S100P: variants seen among roughly 807,000 people sequenced by gnomAD.
S100P encodes S100 calcium binding protein P.
In S100P, 7 loss-of-function variants were observed where a neutral mutation model predicts 4.7. That is an observed-to-expected ratio of 1.48 (90% CI 0.84 to 2.77). The LOEUF (loss-of-function observed/expected upper bound fraction) is 2.77, where lower values mean the gene tolerates loss of function less well. S100P is among the 30% of genes most tolerant of loss of function. The probability of loss-of-function intolerance (pLI) is 0.00; values close to 1 mark genes in which losing one functional copy is unlikely to be tolerated. For synonymous variants in S100P, 48 were observed against 49.0 expected, an observed-to-expected ratio of 0.98 and a Z score of 0.08; for missense variants, 122 against 120.6, an observed-to-expected ratio of 1.01 and a Z score of -0.06.
At chr4:6,695,951 T>C (rs1714363950) in intron 1 of S100P, among the ~76,000 whole-genome samples, 1 of 152,252 alleles carries the variant, frequency 6.6e-6, no homozygotes, top group African/African-American at 2.4e-5. Flanking sequence ...TATTGTGACA[T>C]GGCCATACCA....
chr4:6,695,813 G>A (rs961248719), intron 1 of S100P, among the ~76,000 whole-genome samples: 2 of 152,218 alleles, frequency 1.3e-5, no homozygotes, highest in African/African-American at 4.8e-5. Context: ...GCAGGGCTGG[G>A]CTGGGCTGGC....
In S100P at chr4:6,693,899, C is replaced by T. The variant is rs1388110195; in HGVS notation, c.-34C>T. On this transcript the variant is annotated 5_prime_UTR_variant, in exon 1 of 2. Coordinates refer to ENST00000296370, the MANE Select transcript of S100P (RefSeq NM_005980.3). ...TGGGACATTTTCTCGGCCCTGCCAG[C>T]CCCCAGGAGGAAGGTGGGTCTGAAT... The T allele has an allele frequency of 6.2e-7, 1 of 1,613,442 alleles. No individual in the cohort carries two copies. The highest frequency in any genetic ancestry group is 8.5e-7 in the Non-Finnish European group (1 of 1,179,510).
chr4:6,697,034 C>T lies in S100P; in HGVS notation c.280C>T (p.Leu94Phe), dbSNP rs764083140. ...ACHKYFEKAG[L>F]K ...TCACAAGTACTTTGAGAAGGCAGGA[C>T]TCAAATGATGCCCTGGAGATGTCAC... Residue 94 changes from leucine (L) to phenylalanine (F), a missense_variant, in exon 2 of 2, where the codon CTC (leucine) becomes TTC (phenylalanine). Transcript: ENST00000296370. 6.2e-7 allele frequency: 1 copy of T among 1,612,420 alleles called. No individual in the cohort carries two copies. The highest frequency in any genetic ancestry group is 1.7e-5 in the Admixed American group (1 of 59,894).
chr4:6,696,868 G>T, intron 1 of S100P, 25 bp from the exon 2 acceptor site: 1 of 1,603,042 alleles, frequency 6.2e-7, no homozygotes, highest in South Asian at 1.1e-5. Flanking sequence ...CCTCACTGCT[G>T]ACCTTGAGCC....
chr4:6,696,786 T>G, intron 1 of S100P, 107 bp from the exon 2 acceptor site: 1 of 506,798 alleles, frequency 2.0e-6, no homozygotes, highest in Admixed American at 4.2e-5. Context: ...ACAGCAAAGG[T>G]GACGCAGATG....
chr4:6,693,942 C>A lies in S100P; in HGVS notation c.10C>A (p.Leu4Ile), dbSNP rs774702122. 6.8e-6 allele frequency: 11 copies of A among 1,614,046 alleles called. No individual in the cohort carries two copies. In the South Asian group the frequency reaches 1.2e-4, roughly 18 times the overall value. Reference protein sequence around the residue: MTELETAMGMIIDV... With the variant: MTEIETAMGMIIDV... ...GTCTGAATCTAGCACCATGACGGAACTAGAGACAGCCATGGGCATGATCAT... is the reference window on the plus strand; with the variant it reads ...GTCTGAATCTAGCACCATGACGGAAATAGAGACAGCCATGGGCATGATCAT... The change falls in exon 1 of 2, where the codon CTA becomes ATA. Residue 4 changes from leucine to isoleucine, a missense_variant. Leu to Ile is a conservative substitution (Grantham distance 5, BLOSUM62 2). Coordinates refer to ENST00000296370, the MANE Select transcript of S100P (RefSeq NM_005980.3).
At chr4:6,694,772 C>T (rs1313815452) in intron 1 of S100P, among the ~76,000 whole-genome samples, 1 of 152,066 alleles carries the variant, frequency 6.6e-6, no homozygotes, top group East Asian at 1.9e-4. Flanking sequence ...CCCCTGTCCT[C>T]TCCTTCTTTC....
At chr4:6,696,839 T>A in intron 1 of S100P, 54 bp from the exon 2 acceptor site, 1 of 1,555,480 alleles carries the variant, frequency 6.4e-7, no homozygotes, top group Non-Finnish European at 8.7e-7. Flanking sequence ...TGGTGGAGGC[T>A]GAGGCCCTGC....
Position 6,694,008 on chromosome 4 carries a change from C to T in S100P, c.76C>T (p.Gln26Ter). The T allele has an allele frequency of 1.9e-6, 3 of 1,613,982 alleles. No homozygotes were observed. The highest frequency in any genetic ancestry group is 2.5e-6 in the Non-Finnish European group (3 of 1,179,932). Residue 26 changes from glutamine (Q) to a stop codon, truncating the protein, a stop_gained, in exon 1 of 2, where the codon CAG (glutamine) becomes TAG (stop). Coordinates refer to ENST00000296370, the MANE Select transcript of S100P (RefSeq NM_005980.3). LOFTEE classifies it high-confidence loss of function. The part of the protein sequence containing the change: ...SRYSGSEGST[Q>*]TLTKGELKVL... Reference sequence around the variant, plus strand: ...ATATTCGGGCAGCGAGGGCAGCACGCAGACCCTGACCAAGGGGGAGCTCAA... The same window carrying T: ...ATATTCGGGCAGCGAGGGCAGCACGTAGACCCTGACCAAGGGGGAGCTCAA...
In S100P at chr4:6,696,999, C is replaced by G; in HGVS notation, c.245C>G (p.Thr82Arg). 1 of 1,613,916 alleles carries G rather than the reference C, an allele frequency of 6.2e-7. No individual in the cohort carries two copies. Among genetic ancestry groups the G allele is most frequent in the South Asian group, 1.1e-5 (1 of 91,066 alleles). Residue 82 changes from threonine (T) to arginine (R), a missense_variant, in exon 2 of 2, where the codon ACG becomes AGG. Transcript: ENST00000296370. ...TTCATAGTGTTCGTGGCTGCAATCA[C>G]GTCTGCCTGTCACAAGTACTTTGAG... The part of the protein sequence containing the change: ...SEFIVFVAAI[T>R]SACHKYFEKA...
Position 6,693,949 on chromosome 4 carries a change from C to T in S100P, c.17C>T (p.Thr6Ile), listed in dbSNP as rs772536614. Residue 6 changes from threonine (T) to isoleucine (I), a missense_variant, in exon 1 of 2, where the codon ACA becomes ATA. Transcript: ENST00000296370. ...TCTAGCACCATGACGGAACTAGAGACAGCCATGGGCATGATCATAGACGTC... is the reference window on the plus strand; with the variant it reads ...TCTAGCACCATGACGGAACTAGAGATAGCCATGGGCATGATCATAGACGTC... MTELE[T>I]AMGMIIDVFS... 7 of 1,614,186 alleles carry T rather than the reference C, an allele frequency of 4.3e-6. No individual in the cohort carries two copies. The South Asian group carries it at 6.6e-5, about 15-fold the overall frequency.
chr4:6,694,513 C>T (rs1428916197), intron 1 of S100P, among the ~76,000 whole-genome samples: 1 of 152,216 alleles, frequency 6.6e-6, no homozygotes, highest in African/African-American at 2.4e-5. Context: ...GCTTTCCCTG[C>T]TCCCATTCCC....
intron 1 of S100P, 75 bp downstream of exon 1, chr4:6,694,145 G>C: frequency 7.0e-7 from 1 of 1,424,410 alleles, no homozygotes; most frequent in Non-Finnish European, 9.4e-7. Flanking sequence ...AGAGGGCTGA[G>C]AGCTGCGGTG....
rs919811796 is a variant in S100P at position 6,696,898 on chromosome 4, A to G, written c.144A>G (p.Gly48=). 1.2e-6 allele frequency: 2 copies of G among 1,613,310 alleles called. No individual in the cohort carries two copies. Among genetic ancestry groups the G allele is most frequent in the Admixed American group, 1.7e-5 (1 of 59,970 alleles). Residue 48 remains glycine (G), a synonymous_variant, in exon 2 of 2, where the codon GGA becomes GGG. Transcript: ENST00000296370. ...EKELPGFLQS[G]KDKDAVDKLL... ...TGAGCCTCTCTCTCCTCTAGAGTGG[A>G]AAAGACAAGGATGCCGTGGATAAAT...
intron 1 of S100P, among the ~76,000 whole-genome samples, chr4:6,694,786 C>T (rs765653375): frequency 1.3e-5 from 2 of 152,040 alleles, no homozygotes; most frequent in Non-Finnish European, 2.9e-5. Context: ...TTCTTTCTCA[C>T]TCCCCCACTT....
intron 1 of S100P, among the ~76,000 whole-genome samples, chr4:6,694,713 G>A (rs936642012): frequency 1.3e-5 from 2 of 152,124 alleles, no homozygotes; most frequent in Admixed American, 1.3e-4. Flanking sequence ...GGCAGCCTCC[G>A]GCTGGGCTGA....
Position 6,696,897 on chromosome 4 carries a change from G to A in S100P, c.143G>A (p.Gly48Glu), listed in dbSNP as rs780526062. The A allele has an allele frequency of 6.2e-7, 1 of 1,613,460 alleles. No homozygotes were observed. Among genetic ancestry groups the A allele is most frequent in the Non-Finnish European group, 8.5e-7 (1 of 1,179,548 alleles). The change falls in exon 2 of 2, where the codon GGA (glycine) becomes GAA (glutamate). Residue 48 changes from glycine to glutamate, a missense_variant. Physicochemically the swap from Gly to Glu is moderately conservative, Grantham distance 98. Coordinates refer to ENST00000296370, the MANE Select transcript of S100P (RefSeq NM_005980.3). Reference protein sequence around the residue: ...EKELPGFLQSGKDKDAVDKLL... With the variant: ...EKELPGFLQSEKDKDAVDKLL... ...TTGAGCCTCTCTCTCCTCTAGAGTG[G>A]AAAAGACAAGGATGCCGTGGATAAA...
In S100P at chr4:6,697,076, C is replaced by T. The variant is rs375718155; in HGVS notation, c.*34C>T. ...AGATGTCACAGATTCCTGGCAGAGC[C>T]ATGGTCCCAGGCTTCCCAAAAGTGT... is the stretch of plus-strand genomic sequence containing the variant. On this transcript the variant is annotated 3_prime_UTR_variant, in exon 2 of 2. Coordinates refer to ENST00000296370, the MANE Select transcript of S100P (RefSeq NM_005980.3). The T allele has an allele frequency of 1.7e-5, 27 of 1,591,402 alleles. No homozygotes were observed. The African/African-American group carries it at 3.5e-4, about 21-fold the overall frequency.
intron 1 of S100P, among the ~76,000 whole-genome samples, chr4:6,695,088 A>C (rs4689520): frequency 0.99 from 149,843 of 151,876 alleles, 73,958 homozygotes; most frequent in East Asian, 1. Flanking sequence ...ACCTCAGCCT[A>C]CCGAGTAGCT....
Sources: gnomAD v4.1 joint callset for allele counts (sites outside exome capture counted in the v4.1 genomes callset) on GRCh38, gnomAD v4.1.1 for gene constraint, MANE v1.5 for transcripts, NCBI Gene and HGNC (gene_info 2026-07-23, HGNC 2026-07-21) for gene names.